The following MARCHF8 variants were observed in gnomAD, a reference collection of about 807,000 sequenced individuals.
MARCHF8 encodes the protein E3 ubiquitin-protein ligase MARCHF8.
MARCHF8 carries 40 observed loss-of-function variants against 51.6 expected under a neutral mutation model. That is an observed-to-expected ratio of 0.77 (90% confidence interval 0.60 to 1.01). The LOEUF (loss-of-function observed/expected upper bound fraction) is 1.01. Ranked by LOEUF, MARCHF8 falls within the 50% of genes least tolerant of loss-of-function variation. MARCHF8 has a pLI of 0.00. For missense variants in MARCHF8, 685 were observed against 708.6 expected (o/e 0.97, Z 0.38); for synonymous variants, 263 against 280.3 (o/e 0.94, Z 0.62).
chr10:45,553,196 A>T (rs1265908123), intron 1 of MARCHF8: 1 of 151,978 alleles, frequency 6.6e-6, no homozygotes, highest in Non-Finnish European at 1.5e-5. Context: ...ACACAGCAAG[A>T]CCCCATCTCT....
chr10:45,533,061 T>C (rs1222114720), intron 2 of MARCHF8, 49 bp downstream of exon 2: 1 of 1,463,466 alleles, frequency 6.8e-7, no homozygotes, highest in Non-Finnish European at 9.1e-7. Flanking sequence ...TCATCTTTAA[T>C]AAAAATTTAA....
intron 3 of MARCHF8, among the ~76,000 whole-genome samples, chr10:45,469,600 T>A (rs1243038200): frequency 1.3e-5 from 2 of 152,080 alleles, no homozygotes; most frequent in African/African-American, 4.8e-5. Flanking sequence ...GCGCGGTGGC[T>A]CACGCCTGTA....
chr10:45,489,430 C>G lies in MARCHF8; in HGVS notation c.103-13G>C. On this transcript the variant is annotated splice_polypyrimidine_tract_variant and intron_variant, in intron 2 of 7. Transcript: ENST00000453424. ...AAGTCTTCTCATTCTGCAAGAAAAT[C>G]AAACAGGTTTTAATTATCAATCTTT... is the stretch of plus-strand genomic sequence containing the variant. The G allele has an allele frequency of 6.2e-7, 1 of 1,608,684 alleles. No individual in the cohort carries two copies. The highest frequency in any genetic ancestry group is 8.5e-7 in the Non-Finnish European group (1 of 1,176,298).
intron 2 of MARCHF8, among the ~76,000 whole-genome samples, chr10:45,505,858 G>A (rs956118539): frequency 2.6e-5 from 4 of 152,212 alleles, no homozygotes; most frequent in Non-Finnish European, 4.4e-5. Context: ...TGCTCACTGG[G>A]AAGAGAGCAA....
intron 3 of MARCHF8, among the ~76,000 whole-genome samples, chr10:45,478,256 A>T (rs367672889): frequency 2.0e-5 from 3 of 152,222 alleles, no homozygotes; most frequent in Non-Finnish European, 4.4e-5. Flanking sequence ...TAGAAACTGT[A>T]CAATTACATG....
chr10:45,565,784 G>A (rs2044357891), intron 1 of MARCHF8, among the ~76,000 whole-genome samples: 1 of 152,094 alleles, frequency 6.6e-6, no homozygotes. Flanking sequence ...TGGAACCACT[G>A]CTCTTGGGAA....
At chr10:45,461,816 G>C (rs1292337163) in intron 5 of MARCHF8, 1 of 154,218 alleles carries the variant, frequency 6.5e-6, no homozygotes, top group Non-Finnish European at 1.4e-5. Flanking sequence ...AAATACCAGT[G>C]ACCTTAAATG....
At position 45,497,494 on chromosome 10, in the gene MARCHF8, CACA is replaced by C. The variant is rs145929027; in HGVS notation, c.103-8080_103-8078del. On this transcript the variant is annotated intron_variant, in intron 2 of 7. Coordinates refer to ENST00000453424, the MANE Select transcript of MARCHF8 (RefSeq NM_001282866.2). ...ACAGAATATACATTCTTCTCAAGTG[CACA>C]ACAACAGACTATAGAGTAGTCCACA... 3.7e-3 allele frequency among the ~76,000 whole-genome samples: 568 copies of C among 152,176 alleles called. 11 individuals carry two copies. In the East Asian group the frequency reaches 0.052, roughly 14 times the overall value.
chr10:45,461,456 C>T, intron 5 of MARCHF8, 45 bp from the exon 6 acceptor site: 1 of 1,439,608 alleles, frequency 6.9e-7, no homozygotes, highest in Non-Finnish European at 9.2e-7. Flanking sequence ...AGTCCCATGA[C>T]AGGGAAGCTG....
Position 45,458,425 on chromosome 10 carries a change from C to T in MARCHF8, c.1536G>A (p.Lys512=), listed in dbSNP as rs146902776. The T allele has an allele frequency of 3.3e-5, 53 of 1,614,114 alleles. No individual in the cohort carries two copies. The African/African-American group carries it at 6.9e-4, about 21-fold the overall frequency. The change falls in exon 8 of 8, where the codon AAG becomes AAA. Residue 512 remains lysine (K), a synonymous_variant. Transcript: ENST00000453424. ...GAACATAGATCACTCTATTATAGGCCTTGAGTCTCTTCCACAATTGCACAT... is the reference window on the plus strand; with the variant it reads ...GAACATAGATCACTCTATTATAGGCTTTGAGTCTCTTCCACAATTGCACAT... The part of the protein sequence containing the change: ...KVYVQLWKRL[K]AYNRVIYVQN...
intron 2 of MARCHF8, among the ~76,000 whole-genome samples, chr10:45,492,611 T>C (rs1049730888): frequency 3.9e-5 from 6 of 152,222 alleles, no homozygotes; most frequent in African/African-American, 1.4e-4. Flanking sequence ...CACTGCTCTT[T>C]AGATGTCCAT....
chr10:45,512,590 G>A (rs1237168925), intron 2 of MARCHF8, among the ~76,000 whole-genome samples: 11 of 146,394 alleles, frequency 7.5e-5, no homozygotes, highest in African/African-American at 2.3e-4. Context: ...CGCCCAGTCC[G>A]GGAGGGAGGT....
At chr10:45,473,555 G>T (rs752236612) in intron 3 of MARCHF8, among the ~76,000 whole-genome samples, 13 of 152,200 alleles carry the variant, frequency 8.5e-5, no homozygotes, top group Non-Finnish European at 2.9e-5. Flanking sequence ...AAATAACATT[G>T]TGTCTATGTA....
chr10:45,579,412 T>C (rs1731868847), intron 1 of MARCHF8, among the ~76,000 whole-genome samples: 1 of 142,032 alleles, frequency 7.0e-6, no homozygotes, highest in Non-Finnish European at 1.6e-5. Context: ...CTACCTTTCA[T>C]ATATAAACAA....
chr10:45,494,198 T>C (rs975451719), intron 2 of MARCHF8, among the ~76,000 whole-genome samples: 1 of 152,222 alleles, frequency 6.6e-6, no homozygotes, highest in African/African-American at 2.4e-5. Flanking sequence ...TAATCAGTGC[T>C]GTCAATGATG....
chr10:45,542,384 C>T (rs1399318323), intron 1 of MARCHF8, among the ~76,000 whole-genome samples: 3 of 137,450 alleles, frequency 2.2e-5, no homozygotes, highest in African/African-American at 8.2e-5. Flanking sequence ...CTTGATTGAA[C>T]ACCCTGGGGC....
Position 45,458,187 on chromosome 10 carries a change from A to C in MARCHF8, c.*52T>G. On this transcript the variant is annotated 3_prime_UTR_variant, in exon 8 of 8. Coordinates refer to ENST00000453424, the MANE Select transcript of MARCHF8 (RefSeq NM_001282866.2). Reference sequence around the variant, plus strand: ...GAAAGGTATACAATTGGCAGTAAACAATTTCCTTCAGCTCTTCATGGATGT... The same window carrying C: ...GAAAGGTATACAATTGGCAGTAAACCATTTCCTTCAGCTCTTCATGGATGT... 6.5e-7 allele frequency: 1 copy of C among 1,541,154 alleles called. No individual in the cohort carries two copies. Among genetic ancestry groups the C allele is most frequent in the Non-Finnish European group, 8.7e-7 (1 of 1,143,864 alleles).
intron 2 of MARCHF8, among the ~76,000 whole-genome samples, chr10:45,495,132 A>G (rs1341237410): frequency 1.3e-5 from 2 of 152,104 alleles, no homozygotes; most frequent in African/African-American, 4.8e-5. Context: ...AAAAAAAAAA[A>G]AGAAAAGAAA....
upstream of MARCHF8, among the ~76,000 whole-genome samples, chr10:45,537,803 G>A (rs1438781257): frequency 6.6e-6 from 1 of 152,158 alleles, no homozygotes; most frequent in Non-Finnish European, 1.5e-5. Context: ...GCTGGGGTAG[G>A]AATGGGTAAA....
Sources: allele counts gnomAD v4.1 joint callset (sites outside exome capture counted in the v4.1 genomes callset), GRCh38; gene constraint gnomAD v4.1.1; transcripts MANE v1.5; gene names NCBI Gene and HGNC (gene_info 2026-07-23, HGNC 2026-07-21).